The following PLCG2 variants were observed in gnomAD, a reference collection of about 807,000 sequenced individuals.
The protein encoded by PLCG2 is phospholipase C gamma 2.
In PLCG2, 69 loss-of-function variants were observed where a neutral mutation model predicts 175.6. The observed-to-expected ratio is 0.39, with a 90% CI of 0.32 to 0.48. The LOEUF is 0.48. Ranked by LOEUF, PLCG2 falls within the 20% of genes least tolerant of loss-of-function variation. PLCG2 has a pLI of 0.91. For synonymous variants in PLCG2, 827 were observed against 624.0 expected, an observed-to-expected ratio of 1.33 and a Z score of -4.85; for missense variants, 1,798 against 1,650.9, an observed-to-expected ratio of 1.09 and a Z score of -1.54.
chr16:81,893,213 A>C lies in PLCG2; in HGVS notation c.987-496A>C, dbSNP rs867255320. ...TGAATCATGACAAGGAGGAAAGTGC[A>C]TTAAAGAGTCATTCTTACGGCAGTT... On this transcript the variant is annotated intron_variant, in intron 11 of 32. Transcript: ENST00000564138. Among the ~76,000 whole-genome samples the C allele has an allele frequency of 5.3e-5, 8 of 152,146 alleles. No individual in the cohort carries two copies. The South Asian group carries it at 1.7e-3, about 32-fold the overall frequency.
At chr16:81,914,729 G>A (rs1217099953) in intron 19 of PLCG2, among the ~76,000 whole-genome samples, 2 of 152,198 alleles carry the variant, frequency 1.3e-5, no homozygotes, top group African/African-American at 4.8e-5. Flanking sequence ...CTTACTCCAA[G>A]TGTTTCTTGC....
chr16:81,843,553 A>AT (rs34133634), intron 2 of PLCG2, among the ~76,000 whole-genome samples: 1 of 152,122 alleles, frequency 6.6e-6, no homozygotes, highest in Admixed American at 6.6e-5. Flanking sequence ...GCCTACCAAT[A>AT]TTTTTCGCGT....
intron 2 of PLCG2, among the ~76,000 whole-genome samples, chr16:81,852,745 A>G (rs1268909310): frequency 6.6e-6 from 1 of 152,194 alleles, no homozygotes; most frequent in Admixed American, 6.5e-5. Flanking sequence ...ACATATTTCT[A>G]CAATCTGGGC....
intron 2 of PLCG2, among the ~76,000 whole-genome samples, chr16:81,815,093 T>A (rs919147973): frequency 1.3e-5 from 2 of 152,212 alleles, no homozygotes; most frequent in South Asian, 2.1e-4. Context: ...TTCCTTTTTT[T>A]CCTGAGTTAT....
chr16:81,907,754 A>G lies in PLCG2; in HGVS notation c.1537A>G (p.Met513Val), dbSNP rs764836810. Reference protein sequence around the residue: ...LSFSDDIEQTMEEEVPQDIPP... With the variant: ...LSFSDDIEQTVEEEVPQDIPP... ...CTTCAGTGATGACATTGAACAGACT[A>G]TGGAGGAGGAAGTGCCCCAGGTAGG... Residue 513 changes from methionine to valine, a missense_variant, in exon 16 of 33, where the codon ATG (methionine) becomes GTG (valine). By Grantham distance (21) the Met-to-Val change is conservative. Coordinates refer to ENST00000564138, the MANE Select transcript of PLCG2 (RefSeq NM_002661.5). The G allele has an allele frequency of 3.7e-6, 6 of 1,613,562 alleles. No homozygotes were observed. The highest frequency in any genetic ancestry group is 1.7e-5 in the Admixed American group (1 of 60,022).
intron 30 of PLCG2, among the ~76,000 whole-genome samples, chr16:81,942,947 G>A (rs1186107649): frequency 6.6e-6 from 1 of 151,650 alleles, no homozygotes; most frequent in East Asian, 1.9e-4. Context: ...AAGGAGGGCT[G>A]CCCAGTGCAT....
At chr16:81,868,507 G>C (rs1039756597) in intron 5 of PLCG2, among the ~76,000 whole-genome samples, 2 of 152,146 alleles carry the variant, frequency 1.3e-5, no homozygotes, top group African/African-American at 4.8e-5. Context: ...CTGTGGTTTT[G>C]GTTCCTCTGG....
intron 30 of PLCG2, among the ~76,000 whole-genome samples, chr16:81,945,231 A>C (rs1911105266): frequency 6.6e-6 from 1 of 152,214 alleles, no homozygotes; most frequent in Non-Finnish European, 1.5e-5. Context: ...TAAGCCCAAA[A>C]TCTGAATGGT....
chr16:81,765,966 C>T (rs1393954711), intron 2 of PLCG2, among the ~76,000 whole-genome samples: 1 of 152,226 alleles, frequency 6.6e-6, no homozygotes, highest in African/African-American at 2.4e-5. Context: ...CAGGCATTTG[C>T]TGTGAGTCAC....
In PLCG2 at chr16:81,864,291, C is replaced by T. The variant is rs61422344; in HGVS notation, c.480-4923C>T. ...AGAGAAGCAGAACTCTGGGGCTGCG[C>T]TGTCCAGCAGGGCACCCCTCACCAC... On this transcript the variant is annotated intron_variant, in intron 5 of 32. Transcript: ENST00000564138. 5.8e-3 allele frequency among the ~76,000 whole-genome samples: 878 copies of T among 152,308 alleles called. 13 individuals carry two copies. The highest frequency in any genetic ancestry group is 0.02 in the African/African-American group (838 of 41,558).
chr16:81,831,409 CT>C (rs1207293833), intron 2 of PLCG2, among the ~76,000 whole-genome samples: 3 of 152,216 alleles, frequency 2.0e-5, no homozygotes, highest in Admixed American at 2.0e-4. Context: ...TAAACACAGG[CT>C]GTGTGCCAGG....
Position 81,944,907 on chromosome 16 carries a change from A to G in PLCG2, c.3482-1268A>G, listed in dbSNP as rs932686954. On this transcript the variant is annotated intron_variant, in intron 30 of 32. Coordinates refer to ENST00000564138, the MANE Select transcript of PLCG2 (RefSeq NM_002661.5). ...GTTTCGTACAATCTAGGTGGTGGGT[A>G]TACAAGTAATCCTTGTAATTTTTTT... 1.1e-4 allele frequency among the ~76,000 whole-genome samples: 16 copies of G among 152,226 alleles called. No individual in the cohort carries two copies. The South Asian group carries it at 3.1e-3, about 30-fold the overall frequency.
Position 81,895,832 on chromosome 16 carries a change from G to A in PLCG2, c.1098G>A (p.Gly366=). Reference sequence around the variant, plus strand: ...TGGACTGCTGGGACGGGCCCGATGGGAAGCCGGTCATCTACCATGGCTGGA... The same window carrying A: ...TGGACTGCTGGGACGGGCCCGATGGAAAGCCGGTCATCTACCATGGCTGGA... ...IELDCWDGPD[G]KPVIYHGWTR... is the part of the protein sequence containing the mutation. Residue 366 remains glycine, a synonymous_variant, in exon 13 of 33, where the codon GGG becomes GGA. Transcript: ENST00000564138. 2 of 1,614,124 alleles carry A rather than the reference G, an allele frequency of 1.2e-6. No homozygotes were observed. The highest frequency in any genetic ancestry group is 1.7e-6 in the Non-Finnish European group (2 of 1,179,996).
chr16:81,804,680 C>T (rs1353325855), intron 2 of PLCG2, among the ~76,000 whole-genome samples: 2 of 152,190 alleles, frequency 1.3e-5, no homozygotes, highest in East Asian at 1.9e-4. Context: ...TTTAACGCCT[C>T]AGCCCAGGGA....
intron 2 of PLCG2, among the ~76,000 whole-genome samples, chr16:81,826,271 C>G (rs1905044679): frequency 6.6e-6 from 1 of 152,158 alleles, no homozygotes; most frequent in South Asian, 2.1e-4. Context: ...ATGTGCTTCC[C>G]TCTGCCACGG....
intron 9 of PLCG2, among the ~76,000 whole-genome samples, chr16:81,884,041 C>G (rs1395998682): frequency 6.6e-6 from 1 of 152,214 alleles, no homozygotes; most frequent in African/African-American, 2.4e-5. Flanking sequence ...GGGCAGCCCC[C>G]CCTACCCCCC....
chr16:81,854,448 T>A lies in PLCG2; in HGVS notation c.198T>A (p.Asp66Glu). The A allele has an allele frequency of 6.2e-7, 1 of 1,613,906 alleles. No homozygotes were observed. The highest frequency in any genetic ancestry group is 1.1e-5 in the South Asian group (1 of 91,076). ...CTCATGTTAATTTCATTTTAGTGGA[T>A]ATCATGGAAATAAAAGAAATCCGCC... ...KTADKIEGFLDIMEIKEIRPG... is the reference protein window; with the variant it reads ...KTADKIEGFLEIMEIKEIRPG... Residue 66 changes from aspartate (D) to glutamate (E), a missense_variant, in exon 3 of 33, where the codon GAT (aspartate) becomes GAA (glutamate). Physicochemically the swap from Asp to Glu is conservative, Grantham distance 45. Coordinates refer to ENST00000564138, the MANE Select transcript of PLCG2 (RefSeq NM_002661.5).
At chr16:81,835,814 C>G (rs958701867) in intron 2 of PLCG2, among the ~76,000 whole-genome samples, 6 of 152,110 alleles carry the variant, frequency 3.9e-5, no homozygotes, top group African/African-American at 9.7e-5. Flanking sequence ...CCTTCCTCTC[C>G]TCTTCCTGGC....
intron 32 of PLCG2, 82 bp from the exon 33 acceptor site, chr16:81,957,874 C>T (rs1224562327): frequency 6.4e-6 from 8 of 1,251,476 alleles, no homozygotes; most frequent in Non-Finnish European, 8.2e-6. Flanking sequence ...GGCAAATGTA[C>T]AGAAAGAGAA....
Sources: allele counts gnomAD v4.1 joint callset (sites outside exome capture counted in the v4.1 genomes callset), GRCh38; gene constraint gnomAD v4.1.1; transcripts MANE v1.5; gene names NCBI Gene and HGNC (gene_info 2026-07-23, HGNC 2026-07-21).